SARNP: variants seen among roughly 807,000 people sequenced by gnomAD.
SARNP encodes SAP domain containing ribonucleoprotein.
Under a neutral mutation model 38.1 loss-of-function variants are expected in SARNP, and 5 were observed. The observed-to-expected ratio is 0.13, with a 90% CI of 0.07 to 0.28. SARNP has a LOEUF of 0.28. Ranked by LOEUF, SARNP falls within the 10% of genes least tolerant of loss-of-function variation. SARNP has a pLI of 1.00. For missense variants in SARNP, 180 were observed against 243.9 expected (o/e 0.74, Z 1.75); for synonymous variants, 84 against 80.6 (o/e 1.04, Z -0.23).
chr12:55,805,322 G>A (rs965558571), intron 1 of SARNP, among the ~76,000 whole-genome samples: 2 of 152,238 alleles, frequency 1.3e-5, no homozygotes, highest in African/African-American at 4.8e-5. Flanking sequence ...TTTAGTGAGT[G>A]GGGCGGGCAG....
At chr12:55,803,581 C>A (rs1880049354) in intron 2 of SARNP, 48 bp downstream of exon 2, 1 of 1,147,824 alleles carries the variant, frequency 8.7e-7, no homozygotes. Flanking sequence ...AGTGTCAAAG[C>A]CTGAAAATCC....
At chr12:55,753,277 T>C (rs1878383258), downstream of SARNP, 1 of 152,174 alleles carries the variant, frequency 6.6e-6, no homozygotes, top group Non-Finnish European at 1.5e-5. Flanking sequence ...TGTTCCTAGG[T>C]TTCCTCAACG....
At position 55,800,780 on chromosome 12, in the gene SARNP, A is replaced by G. The variant is rs1057273931; in HGVS notation, c.183+74T>C. Reference sequence around the variant, plus strand: ...AATAAATTTACATCTAAGTCCTCCAATGACTGATGTTAAAGCAATGTGGCC... The same window carrying G: ...AATAAATTTACATCTAAGTCCTCCAGTGACTGATGTTAAAGCAATGTGGCC... On this transcript the variant is annotated intron_variant, in intron 3 of 10. Transcript: ENST00000336133. 2.1e-4 allele frequency: 286 copies of G among 1,375,216 alleles called. 6 individuals are homozygous for G. The Middle Eastern group carries it at 2.1e-3, about 10-fold the overall frequency. The allele number at this position is 1,375,216 out of a possible 1,614,324, so 85.2% of individuals were successfully genotyped here. A position where few individuals can be genotyped will look rare whatever the true frequency, so the allele number is the denominator to read the frequency against.
chr12:55,765,473 T>A (rs1337909292), intron 9 of SARNP, among the ~76,000 whole-genome samples: 1 of 151,924 alleles, frequency 6.6e-6, no homozygotes, highest in African/African-American at 2.4e-5. Flanking sequence ...GCCTCCTCAG[T>A]AGCTAAGAAC....
intron 9 of SARNP, chr12:55,760,914 C>T (rs1416644130): frequency 3.2e-6 from 1 of 315,934 alleles, no homozygotes; most frequent in East Asian, 5.4e-5. Context: ...CGGTGACTCA[C>T]ACCTGTAATC....
At chr12:55,754,920 G>A (rs77412067), downstream of SARNP, 443 of 152,240 alleles carry the variant, frequency 2.9e-3, 2 homozygotes, top group African/African-American at 9.8e-3. Context: ...AAAGTGATCC[G>A]GGAGGTAGAA....
At chr12:55,754,210 C>G (rs1878431518), downstream of SARNP, 1 of 152,188 alleles carries the variant, frequency 6.6e-6, no homozygotes, top group African/African-American at 2.4e-5. Context: ...TTGGCCTGAG[C>G]TGAAAATGGG....
chr12:55,812,355 C>T (rs2136208704), intron 1 of SARNP, among the ~76,000 whole-genome samples: 1 of 152,262 alleles, frequency 6.6e-6, no homozygotes, highest in South Asian at 2.1e-4. Context: ...TTTGACATAC[C>T]ATAAATTTTA....
At chr12:55,785,544 C>G (rs984037485) in intron 9 of SARNP, among the ~76,000 whole-genome samples, 1 of 149,716 alleles carries the variant, frequency 6.7e-6, no homozygotes, top group Non-Finnish European at 1.5e-5. Context: ...AATCCCAGCA[C>G]TTTGGGAGGC....
chr12:55,803,789 G>T, intron 1 of SARNP, 61 bp from the exon 2 acceptor site: 1 of 1,084,864 alleles, frequency 9.2e-7, no homozygotes, highest in Non-Finnish European at 1.4e-6. Context: ...TGAATAAAAT[G>T]GTAGTTCCCA....
At chr12:55,774,576 AAAC>A (rs1165136688) in intron 9 of SARNP, among the ~76,000 whole-genome samples, 580 of 44,734 alleles carry the variant, frequency 0.013, 32 homozygotes, top group African/African-American at 0.058. Context: ...AAAAAAAAAC[AAAC>A]AAAAAAAAAA....
At chr12:55,803,288 AGCCC>A (rs1172892141) in intron 2 of SARNP, among the ~76,000 whole-genome samples, 1 of 152,072 alleles carries the variant, frequency 6.6e-6, no homozygotes, top group Non-Finnish European at 1.5e-5. Flanking sequence ...ATTCTAGACC[AGCCC>A]AACCAATATG....
chr12:55,813,229 C>T (rs1324641522), intron 1 of SARNP, among the ~76,000 whole-genome samples: 1 of 152,090 alleles, frequency 6.6e-6, no homozygotes, highest in African/African-American at 2.4e-5. Context: ...CAGGCATGAG[C>T]CACCGTGCCC....
intron 1 of SARNP, 117 bp downstream of exon 1, chr12:55,817,549 A>G (rs1592588625): frequency 7.7e-6 from 7 of 910,060 alleles, no homozygotes. Context: ...CTACGGCGGG[A>G]GCCGAGAAAC....
intron 5 of SARNP, 44 bp downstream of exon 5, chr12:55,795,981 G>A (rs1423164842): frequency 7.6e-7 from 1 of 1,321,962 alleles, no homozygotes; most frequent in Admixed American, 1.8e-5. Flanking sequence ...GTAAGAGGGA[G>A]AGAGAAATGT....
intron 9 of SARNP, among the ~76,000 whole-genome samples, chr12:55,787,241 T>TAA (rs4016515): frequency 9.7e-6 from 1 of 103,472 alleles, no homozygotes; most frequent in Non-Finnish European, 2.2e-5. Flanking sequence ...CAAAAAAGAC[T>TAA]AAAAAAAAAA....
At chr12:55,786,531 C>G (rs1164170749) in intron 9 of SARNP, among the ~76,000 whole-genome samples, 2 of 152,224 alleles carry the variant, frequency 1.3e-5, no homozygotes, top group Non-Finnish European at 2.9e-5. Context: ...CTCACCGCAG[C>G]CTCCGCCCTC....
chr12:55,805,833 T>C (rs978752894), intron 1 of SARNP, among the ~76,000 whole-genome samples: 1 of 150,588 alleles, frequency 6.6e-6, no homozygotes, highest in Non-Finnish European at 1.5e-5. Context: ...GGTGAAAGAG[T>C]GAGACTGTCT....
intron 9 of SARNP, among the ~76,000 whole-genome samples, chr12:55,778,515 T>TA (rs1879250436): frequency 6.6e-6 from 1 of 152,016 alleles, no homozygotes. Flanking sequence ...TGGAGAAAAG[T>TA]AGTGTCTTTT....
Sources: gnomAD v4.1 joint callset for allele counts (sites outside exome capture counted in the v4.1 genomes callset) on GRCh38, gnomAD v4.1.1 for gene constraint, MANE v1.5 for transcripts, NCBI Gene and HGNC (gene_info 2026-07-23, HGNC 2026-07-21) for gene names.